Variants in SEPTIN5 observed in about 807,000 individuals in gnomAD.
SEPTIN5 encodes septin 5, also known as septin-5.
SEPTIN5 carries 16 observed loss-of-function variants against 51.2 expected under a neutral mutation model. That is an observed-to-expected ratio of 0.31 (90% confidence interval 0.21 to 0.47). SEPTIN5 has a LOEUF of 0.47. Among genes scored for constraint, SEPTIN5 ranks in the 20% least tolerant of loss-of-function variants. SEPTIN5 has a pLI of 0.99. For synonymous variants in SEPTIN5, 208 were observed against 191.2 expected (o/e 1.09, Z -0.72); for missense variants, 376 against 500.3 (o/e 0.75, Z 2.37).
Position 19,722,757 on chromosome 22 carries a change from C to T in SEPTIN5, c.*273C>T. On this transcript the variant is annotated 3_prime_UTR_variant, in exon 12 of 12. Transcript: ENST00000455784. ...CCCTTGCCCTTCCCCCGCCCCCGGA[C>T]GGTCACAGCACCCAAACCGCAGGCC... The T allele has an allele frequency of 1.3e-5, 7 of 546,758 alleles. No individual in the cohort carries two copies. In the South Asian group the frequency reaches 1.4e-4, roughly 11 times the overall value. The allele number at this position is 546,758 out of a possible 1,614,324, so 33.9% of individuals were successfully genotyped here.
chr22:19,720,412 G>A lies in SEPTIN5; in HGVS notation c.455G>A (p.Arg152Gln). Residue 152 changes from arginine (R) to glutamine (Q), a missense_variant, in exon 6 of 12, where the codon CGA becomes CAA. Physicochemically the swap from Arg to Gln is conservative, Grantham distance 43. Transcript: ENST00000455784. Reference protein sequence around the residue: ...GLNRKNIQDNRVHCCLYFISP... With the variant: ...GLNRKNIQDNQVHCCLYFISP... ...AACCGAAAGAACATCCAAGACAACC[G>A]AGTGCACTGCTGCCTATACTTCATC... 1 of 1,614,024 alleles carries A rather than the reference G, an allele frequency of 6.2e-7. No individual in the cohort carries two copies.
chr22:19,721,630 C>T lies in SEPTIN5; in HGVS notation c.718-10C>T, dbSNP rs1936035396. ...CACCGGGTGTGAGCCTTTCTCCCTCCTTCCCCCAGGAGAGCGCGCCCTTCG... is the reference window on the plus strand; with the variant it reads ...CACCGGGTGTGAGCCTTTCTCCCTCTTTCCCCCAGGAGAGCGCGCCCTTCG... On this transcript the variant is annotated splice_polypyrimidine_tract_variant and intron_variant, in intron 8 of 11. Transcript: ENST00000455784. 6 of 1,612,624 alleles carry T rather than the reference C, an allele frequency of 3.7e-6. No homozygotes were observed. Among genetic ancestry groups the T allele is most frequent in the Non-Finnish European group, 5.1e-6 (6 of 1,179,728 alleles).
Position 19,722,345 on chromosome 22 carries a change from T to TGGGGCGGCG in SEPTIN5, c.1053+17_1053+25dup, listed in dbSNP as rs747488759. On this transcript the variant is annotated splice_region_variant and intron_variant, in intron 11 of 11. Coordinates refer to ENST00000455784, the MANE Select transcript of SEPTIN5 (RefSeq NM_002688.6). The stretch of plus-strand genomic sequence containing the variant: ...TCAGGATGAAGGATGAGGAAGTATG[T>TGGGGCGGCG]GGGGCGGCGGGGGCGGCGGAGGCGG... The TGGGGCGGCG allele has an allele frequency of 2.4e-5, 38 of 1,606,974 alleles. 1 individual carries two copies. The highest frequency in any genetic ancestry group is 1.5e-4 in the African/African-American group (11 of 74,754).
At chr22:19,716,173 C>T (rs1935908726) in intron 2 of SEPTIN5, among the ~76,000 whole-genome samples, 1 of 152,196 alleles carries the variant, frequency 6.6e-6, no homozygotes, top group South Asian at 2.1e-4. Flanking sequence ...TCCCAGGCCT[C>T]CAAGCCCAGA....
At position 19,722,333 on chromosome 22, in the gene SEPTIN5, T is replaced by C; in HGVS notation, c.1047T>C (p.Asp349=). 1 of 1,609,328 alleles carries C rather than the reference T, an allele frequency of 6.2e-7. No homozygotes were observed. The highest frequency in any genetic ancestry group is 1.3e-5 in the African/African-American group (1 of 74,790). Residue 349 remains aspartate, a synonymous_variant, in exon 11 of 12, where the codon GAT becomes GAC. Transcript: ENST00000455784. ...CTGAGAAGCTTATCAGGATGAAGGA[T>C]GAGGAAGTATGTGGGGCGGCGGGGG... ...AETEKLIRMK[D]EELRRMQEML...
chr22:19,717,236 G>A (rs1163634832), intron 2 of SEPTIN5: 2 of 465,596 alleles, frequency 4.3e-6, no homozygotes, highest in Admixed American at 4.7e-5. Context: ...ATGTGCAGGG[G>A]CTTGGCCTGA....
rs1019959319 is a variant in SEPTIN5 at position 19,723,189 on chromosome 22, C to G, written c.*705C>G. The G allele has an allele frequency of 5.1e-6, 3 of 591,060 alleles. No homozygotes were observed. The highest frequency in any genetic ancestry group is 7.0e-5 in the East Asian group (2 of 28,566). The allele number at this position is 591,060 out of a possible 1,614,324, so 36.6% of individuals were successfully genotyped here. On this transcript the variant is annotated 3_prime_UTR_variant, in exon 12 of 12. Transcript: ENST00000455784. Reference sequence around the variant, plus strand: ...TCTCCCCAGCACCGCTGTGGTGTGCCGGGATCCTGAGCCTAGGCCTCCCGA... The same window carrying G: ...TCTCCCCAGCACCGCTGTGGTGTGCGGGGATCCTGAGCCTAGGCCTCCCGA...
Position 19,714,876 on chromosome 22 carries a change from G to A in SEPTIN5, c.54+85G>A. On this transcript the variant is annotated intron_variant, in intron 2 of 11. Transcript: ENST00000455784. The surrounding 1 kb of genome is among the most constrained non-coding windows in gnomAD (Gnocchi z 5.2). ...ACTAGCGCCTTGGGCGCCCAGGCGC[G>A]ACCCCGCCCCCGCCGGCCCTCACCC... The A allele has an allele frequency of 6.8e-7, 1 of 1,467,332 alleles. No individual in the cohort carries two copies. Among genetic ancestry groups the A allele is most frequent in the Admixed American group, 2.0e-5 (1 of 49,706 alleles). The allele number at this position is 1,467,332 out of a possible 1,614,324, so 90.9% of individuals were successfully genotyped here.
In SEPTIN5 at chr22:19,722,643, G is replaced by A; in HGVS notation, c.*159G>A. The A allele has an allele frequency of 1.2e-6, 1 of 829,242 alleles. No individual in the cohort carries two copies. Among genetic ancestry groups the A allele is most frequent in the Admixed American group, 2.2e-5 (1 of 44,852 alleles). The allele number at this position is 829,242 out of a possible 1,614,324, so 51.4% of individuals were successfully genotyped here. ...CCCAGGTCATTGTGTCTGTTTCCGA[G>A]GGGCCTGGACCGTAGCCCCCGCCCA... On this transcript the variant is annotated 3_prime_UTR_variant, in exon 12 of 12. Transcript: ENST00000455784.
intron 6 of SEPTIN5, 39 bp downstream of exon 6, chr22:19,720,493 C>T (rs1430887996): frequency 6.2e-7 from 1 of 1,613,350 alleles, no homozygotes; most frequent in South Asian, 1.1e-5. Context: ...GGAGTGCAGC[C>T]CCTACAATAT....
At chr22:19,718,897 G>A in intron 2 of SEPTIN5, 2 of 1,215,454 alleles carry the variant, frequency 1.6e-6, no homozygotes, top group African/African-American at 1.6e-5. Context: ...CCGTCCCCGC[G>A]CGCCACGGCC....
intron 2 of SEPTIN5, chr22:19,718,936 C>T: frequency 9.2e-7 from 1 of 1,085,770 alleles, no homozygotes; most frequent in Non-Finnish European, 1.2e-6. Flanking sequence ...GCCCTTCCCT[C>T]CGCAGCGGCC....
At chr22:19,722,078 C>G (rs965340952) in intron 10 of SEPTIN5, 121 bp downstream of exon 10, 94 of 1,316,868 alleles carry the variant, frequency 7.1e-5, no homozygotes, top group South Asian at 6.0e-4. Flanking sequence ...TAAGCCCCCC[C>G]CCTCCCCCAG....
intron 2 of SEPTIN5, chr22:19,718,829 G>T: frequency 8.1e-7 from 1 of 1,236,506 alleles, no homozygotes; most frequent in East Asian, 3.1e-5. Flanking sequence ...GTGCGTGTGT[G>T]GAGAGGGCGG....
At chr22:19,716,515 G>A (rs1215588234) in intron 2 of SEPTIN5, among the ~76,000 whole-genome samples, 2 of 152,212 alleles carry the variant, frequency 1.3e-5, no homozygotes, top group African/African-American at 2.4e-5. Context: ...GGAGATGGGC[G>A]CAGCTGTGTC....
rs767952048 is a variant in SEPTIN5 at position 19,722,524 on chromosome 22, C to T, written c.*40C>T. On this transcript the variant is annotated 3_prime_UTR_variant, in exon 12 of 12. Transcript: ENST00000455784. The stretch of plus-strand genomic sequence containing the variant: ...ACACCGTCCGTCTCCGGGACGCCCT[C>T]GCACCCCTGGACACCAGACCGGACT... The T allele has an allele frequency of 6.4e-7, 1 of 1,558,868 alleles. No homozygotes were observed. The highest frequency in any genetic ancestry group is 2.4e-5 in the East Asian group (1 of 41,436).
chr22:19,718,653 C>T, intron 2 of SEPTIN5: 1 of 1,286,454 alleles, frequency 7.8e-7, no homozygotes, highest in East Asian at 2.8e-5. Flanking sequence ...AGAGCCGCGC[C>T]AAGGTCCCTC....
chr22:19,722,078 C>CA, intron 10 of SEPTIN5, 121 bp downstream of exon 10: 1 of 1,316,984 alleles, frequency 7.6e-7, no homozygotes, highest in South Asian at 1.4e-5. Flanking sequence ...TAAGCCCCCC[C>CA]CCTCCCCCAG....
chr22:19,722,799 G>A lies in SEPTIN5; in HGVS notation c.*315G>A, dbSNP rs771099437. On this transcript the variant is annotated 3_prime_UTR_variant, in exon 12 of 12. Coordinates refer to ENST00000455784, the MANE Select transcript of SEPTIN5 (RefSeq NM_002688.6). ...CCGCAGGCCCTGCTCTGGCAGGCAG[G>A]CAAAGCTAGGCAGAAGAGGATTCCC... 22 of 500,738 alleles carry A rather than the reference G, an allele frequency of 4.4e-5. No homozygotes were observed. Among genetic ancestry groups the A allele is most frequent in the Non-Finnish European group, 7.3e-5 (20 of 275,026 alleles). The allele number at this position is 500,738 out of a possible 1,614,324, so 31.0% of individuals were successfully genotyped here.
Sources: gnomAD v4.1 joint callset for allele counts (sites outside exome capture counted in the v4.1 genomes callset) on GRCh38, gnomAD v4.1.1 for gene constraint, Gnocchi (gnomAD v3.1) non-coding constraint, MANE v1.5 for transcripts, NCBI Gene and HGNC (gene_info 2026-07-23, HGNC 2026-07-21) for gene names.